RFC5: variants seen among roughly 807,000 people sequenced by gnomAD.
RFC5 encodes the protein A1 36 kDa subunit.
Under a neutral mutation model 44.3 loss-of-function variants are expected in RFC5, and 26 were observed. The ratio of observed to expected loss-of-function variants is 0.59; its 90% CI spans 0.43 to 0.81. The LOEUF is 0.81. RFC5 is among the 40% of genes least tolerant of loss of function. The pLI is 0.00. For missense variants in RFC5, 328 were observed against 418.6 expected (o/e 0.78, Z 1.89); for synonymous variants, 155 against 155.2 (o/e 1.00, Z 0.01).
At chr12:118,038,475 C>G in the RFC5 span, 1 of 1,265,458 alleles carries the variant, frequency 7.9e-7, no homozygotes, top group Non-Finnish European at 1.1e-6. Flanking sequence ...GTAACAGCCC[C>G]CAGCCCAGTA....
At chr12:118,024,014 C>G (rs1176549945) in intron 5 of RFC5, among the ~76,000 whole-genome samples, 2 of 151,740 alleles carry the variant, frequency 1.3e-5, no homozygotes, top group African/African-American at 4.8e-5. Flanking sequence ...GTCAGGAGTT[C>G]GAGACCAGCC....
At chr12:118,036,624 C>A, downstream of RFC5, 1 of 1,121,616 alleles carries the variant, frequency 8.9e-7, no homozygotes, top group South Asian at 1.6e-5. Context: ...AGGGCTGATT[C>A]TCTATCCCTT....
At chr12:118,034,397 G>T (rs186538987), downstream of RFC5, 1 of 1,603,530 alleles carries the variant, frequency 6.2e-7, no homozygotes, top group East Asian at 2.2e-5. Flanking sequence ...ACAGAGCTTG[G>T]ATGTTCATGT....
downstream of RFC5, chr12:118,036,645 C>T (rs1027854437): frequency 1.1e-6 from 1 of 916,110 alleles, no homozygotes; most frequent in Non-Finnish European, 1.6e-6. Context: ...TTCTACAGCT[C>T]TTCCAGAACG....
intron 3 of RFC5, among the ~76,000 whole-genome samples, chr12:118,020,274 G>A (rs1466238540): frequency 1.3e-5 from 2 of 152,198 alleles, no homozygotes; most frequent in East Asian, 3.9e-4. Flanking sequence ...CTCACAGGTG[G>A]TACCTTTCCT....
downstream of RFC5, chr12:118,034,240 T>C (rs973838705): frequency 1.5e-5 from 25 of 1,614,220 alleles, no homozygotes; most frequent in Non-Finnish European, 1.9e-5. Context: ...TTCTTGGGGA[T>C]TGGCAGTGCT....
the RFC5 span, chr12:118,038,405 GCAAA>G: frequency 6.2e-7 from 1 of 1,611,664 alleles, no homozygotes; most frequent in Non-Finnish European, 8.5e-7. Context: ...GGAAAAAGAA[GCAAA>G]CAATGAGCCA....
intron 5 of RFC5, among the ~76,000 whole-genome samples, chr12:118,024,033 C>T (rs5745850): frequency 0.56 from 85,200 of 151,462 alleles, 24,375 homozygotes; most frequent in East Asian, 0.76. Flanking sequence ...CCTGGCTAAC[C>T]GATGAAACCC....
At chr12:118,030,493 G>A (rs1050061835) in intron 10 of RFC5, among the ~76,000 whole-genome samples, 6 of 134,670 alleles carry the variant, frequency 4.5e-5, no homozygotes, top group African/African-American at 1.2e-4. Context: ...CAAACTTCCC[G>A]ATGAAATGGC....
intron 6 of RFC5, chr12:118,025,485 A>G: frequency 2.3e-6 from 1 of 435,936 alleles, no homozygotes; most frequent in Non-Finnish European, 4.1e-6. Context: ...AGCAGAATTC[A>G]AGACGACTGG....
At chr12:118,035,275 A>C (rs558504911), downstream of RFC5, 1 of 1,614,196 alleles carries the variant, frequency 6.2e-7, no homozygotes, top group South Asian at 1.1e-5. Flanking sequence ...GATCTCAGTG[A>C]GCTAATGTGG....
chr12:118,033,197 G>T (rs1481910491), downstream of RFC5: 1 of 152,174 alleles, frequency 6.6e-6, no homozygotes, highest in African/African-American at 2.4e-5. Flanking sequence ...GTACTTTTAA[G>T]GAGCTATTTT....
At chr12:118,040,965 C>G in the RFC5 span, among the ~76,000 whole-genome samples, 24 of 152,374 alleles carry the variant, frequency 1.6e-4, no homozygotes, top group African/African-American at 5.8e-4. Context: ...ACAAGAATGA[C>G]TTGAACCTGG....
At chr12:118,031,130 AGGC>A in intron 10 of RFC5, 49 bp from the exon 11 acceptor site, 3 of 1,298,500 alleles carry the variant, frequency 2.3e-6, no homozygotes, top group Non-Finnish European at 2.2e-6. Flanking sequence ...CCTTAAGAAA[AGGC>A]AGCTGTGTTT....
the RFC5 span, among the ~76,000 whole-genome samples, chr12:118,040,723 G>T: frequency 1.3e-5 from 2 of 152,092 alleles, no homozygotes; most frequent in East Asian, 3.9e-4. Context: ...TTAGACTGTG[G>T]GATTACAGGT....
downstream of RFC5, chr12:118,034,937 T>A (rs1187820075): frequency 1.9e-6 from 3 of 1,564,156 alleles, no homozygotes; most frequent in Non-Finnish European, 2.6e-6. Flanking sequence ...AGCTCCATGG[T>A]ATACTCAGCA....
chr12:118,026,857 G>A lies in RFC5; in HGVS notation c.664-32G>A, dbSNP rs780299851. The A allele has an allele frequency of 3.8e-6, 6 of 1,599,144 alleles. No homozygotes were observed. The African/African-American group carries it at 4.0e-5, about 11-fold the overall frequency. ...CTTGGTGGCAGCTGTGACAGCCACTGTGATCTCCCCTTTCCCCCTCTGTCT... is the reference window on the plus strand; with the variant it reads ...CTTGGTGGCAGCTGTGACAGCCACTATGATCTCCCCTTTCCCCCTCTGTCT... On this transcript the variant is annotated intron_variant, in intron 7 of 10. Transcript: ENST00000454402.
chr12:118,041,196 A>G, the RFC5 span, among the ~76,000 whole-genome samples: 1 of 152,292 alleles, frequency 6.6e-6, no homozygotes, highest in Admixed American at 6.5e-5. Flanking sequence ...CTAATCCCCA[A>G]TGTGATGGTA....
intron 5 of RFC5, among the ~76,000 whole-genome samples, chr12:118,024,135 A>G (rs865925051): frequency 1.3e-5 from 2 of 151,896 alleles, no homozygotes; most frequent in Non-Finnish European, 2.9e-5. Context: ...AGGTCAGGAG[A>G]TCGAGACCAT....
Sources: allele counts gnomAD v4.1 joint callset (sites outside exome capture counted in the v4.1 genomes callset), GRCh38; gene constraint gnomAD v4.1.1; transcripts MANE v1.5; gene names NCBI Gene and HGNC (gene_info 2026-07-23, HGNC 2026-07-21).